Variants in SATB2 observed in about 807,000 individuals in gnomAD.
SATB2 encodes the protein DNA-binding protein SATB2.
SATB2 carries 1 observed loss-of-function variant against 73.4 expected under a neutral mutation model. That is an observed-to-expected ratio of 0.01 (90% CI 0.00 to 0.06). The LOEUF is 0.06. Ranked by LOEUF, SATB2 falls within the 10% of genes least tolerant of loss-of-function variation. SATB2 has a pLI of 1.00. For missense variants in SATB2, 459 were observed against 945.8 expected (o/e 0.49, Z 6.75); for synonymous variants, 397 against 367.0 (o/e 1.08, Z -0.93).
At chr2:199,403,746 T>C (rs1477910894) in intron 3 of SATB2, among the ~76,000 whole-genome samples, 6 of 152,204 alleles carry the variant, frequency 3.9e-5, no homozygotes, top group Non-Finnish European at 2.9e-5. Context: ...ACAGTTATAA[T>C]GTTGCCTAAA....
chr2:199,427,223 A>G (rs1451736258), intron 3 of SATB2, among the ~76,000 whole-genome samples: 1 of 152,182 alleles, frequency 6.6e-6, no homozygotes, highest in East Asian at 1.9e-4. Flanking sequence ...AATTTATAGG[A>G]CTAGGATTTT....
At chr2:199,462,537 C>G (rs1040766073), upstream of SATB2, among the ~76,000 whole-genome samples, 1 of 152,270 alleles carries the variant, frequency 6.6e-6, no homozygotes, top group South Asian at 2.1e-4. The surrounding 1 kb of genome is among the most constrained non-coding windows in gnomAD (Gnocchi z 5.9). Flanking sequence ...CTGACCGGAG[C>G]GCAGGGCGGG....
At chr2:199,367,890 A>G (rs1689335004) in intron 6 of SATB2, among the ~76,000 whole-genome samples, 1 of 152,136 alleles carries the variant, frequency 6.6e-6, no homozygotes, top group East Asian at 1.9e-4. Flanking sequence ...TATTTACTAC[A>G]CAAAGGAACT....
intron 2 of SATB2, among the ~76,000 whole-genome samples, chr2:199,440,155 C>G (rs1691773136): frequency 6.6e-6 from 1 of 152,010 alleles, no homozygotes; most frequent in African/African-American, 2.4e-5. Flanking sequence ...AAAATTGCAA[C>G]CATAAATAGA....
intron 10 of SATB2, among the ~76,000 whole-genome samples, chr2:199,283,544 A>G (rs1692595973): frequency 6.6e-6 from 1 of 151,212 alleles, no homozygotes; most frequent in Non-Finnish European, 1.5e-5. Context: ...AGCAAAGTCA[A>G]AAAGGTAAAT....
chr2:199,308,995 G>C lies in SATB2; in HGVS notation c.1543-38C>G. On this transcript the variant is annotated intron_variant, in intron 9 of 10. Transcript: ENST00000417098. The surrounding 1 kb of genome is among the most constrained non-coding windows in gnomAD (Gnocchi z 4.6). ...GAGGTCGCTTGCATTAACCTGCAGA[G>C]TGTAGAGGAGCTGAGGGGGCCTTGA... The C allele has an allele frequency of 6.4e-7, 1 of 1,556,886 alleles. No individual in the cohort carries two copies. Among genetic ancestry groups the C allele is most frequent in the Non-Finnish European group, 8.9e-7 (1 of 1,129,888 alleles).
At chr2:199,326,866 C>G (rs181486257) in intron 8 of SATB2, among the ~76,000 whole-genome samples, 7 of 152,138 alleles carry the variant, frequency 4.6e-5, no homozygotes, top group Admixed American at 4.6e-4. Context: ...ACTCATAATT[C>G]ACTAAAGACT....
Position 199,287,476 on chromosome 2 carries a change from T to C in SATB2, c.1741-14804A>G, listed in dbSNP as rs988896386. Among the ~76,000 whole-genome samples, 13 of 152,236 alleles carry C rather than the reference T, an allele frequency of 8.5e-5. No individual in the cohort carries two copies. The East Asian group carries it at 1.4e-3, about 16-fold the overall frequency. On this transcript the variant is annotated intron_variant, in intron 10 of 10. Coordinates refer to ENST00000417098, the MANE Select transcript of SATB2 (RefSeq NM_001172509.2). The stretch of plus-strand genomic sequence containing the variant: ...CACCAAAGAGTCAGAATTCAAACCA[T>C]TTCCAAATCCCTTCATAGTATTTAT...
intron 3 of SATB2, among the ~76,000 whole-genome samples, chr2:199,426,924 G>A (rs577057762): frequency 4.7e-4 from 71 of 152,096 alleles, no homozygotes; most frequent in African/African-American, 1.5e-3. Context: ...ATGGAGTGCA[G>A]TGGCACTATC....
intron 6 of SATB2, among the ~76,000 whole-genome samples, chr2:199,351,981 G>A (rs933122434): frequency 1.3e-5 from 2 of 152,184 alleles, no homozygotes; most frequent in South Asian, 2.1e-4. Flanking sequence ...AGCTATTCTC[G>A]TGCTCAGCCT....
intron 10 of SATB2, among the ~76,000 whole-genome samples, chr2:199,302,510 A>G (rs757394875): frequency 6.6e-6 from 1 of 152,128 alleles, no homozygotes; most frequent in Non-Finnish European, 1.5e-5. Flanking sequence ...ACATCTTCCC[A>G]AGTGAGGACC....
intron 7 of SATB2, among the ~76,000 whole-genome samples, chr2:199,344,695 T>A (rs1284895770): frequency 6.6e-6 from 1 of 152,168 alleles, no homozygotes; most frequent in Non-Finnish European, 1.5e-5. Context: ...CAAACCACAA[T>A]GATTGGTATC....
chr2:199,412,516 C>T (rs1489601149), intron 3 of SATB2, among the ~76,000 whole-genome samples: 1 of 152,170 alleles, frequency 6.6e-6, no homozygotes, highest in Non-Finnish European at 1.5e-5. Flanking sequence ...AAGACTAAAG[C>T]GTCTGCTTCA....
At chr2:199,348,095 T>G (rs1688707627) in intron 7 of SATB2, 1 of 152,356 alleles carries the variant, frequency 6.6e-6, no homozygotes, top group South Asian at 2.1e-4. Context: ...GTGAATTAAC[T>G]GTTTACATTT....
At chr2:199,310,121 G>A (rs775652226) in intron 9 of SATB2, among the ~76,000 whole-genome samples, 3 of 152,150 alleles carry the variant, frequency 2.0e-5, no homozygotes, top group Non-Finnish European at 2.9e-5. Flanking sequence ...TTAATAACCT[G>A]ATCATTCCAT....
chr2:199,323,273 C>A (rs571741056), intron 9 of SATB2, among the ~76,000 whole-genome samples: 8 of 152,188 alleles, frequency 5.3e-5, no homozygotes, highest in South Asian at 2.1e-4. Flanking sequence ...GCACTCCCCC[C>A]ACGTGTGTTT....
At chr2:199,451,354 T>C (rs1692117518) in intron 2 of SATB2, among the ~76,000 whole-genome samples, 1 of 151,640 alleles carries the variant, frequency 6.6e-6, no homozygotes, top group Non-Finnish European at 1.5e-5. Context: ...TAGAGAAGAG[T>C]TATTTTTCTA....
intron 10 of SATB2, among the ~76,000 whole-genome samples, chr2:199,276,759 T>C (rs79972097): frequency 0.058 from 3 of 52 alleles, no homozygotes; most frequent in Non-Finnish European, 0.091. Flanking sequence ...CCTTTTTCCC[T>C]TTTTTCAAAA....
At chr2:199,448,027 A>C (rs1003003861) in intron 2 of SATB2, among the ~76,000 whole-genome samples, 1 of 152,126 alleles carries the variant, frequency 6.6e-6, no homozygotes, top group Non-Finnish European at 1.5e-5. Flanking sequence ...AAGACAAGTC[A>C]TTTTCTTTTA....
Sources: allele counts gnomAD v4.1 joint callset (sites outside exome capture counted in the v4.1 genomes callset), GRCh38; gene constraint gnomAD v4.1.1; non-coding constraint Gnocchi (gnomAD v3.1); transcripts MANE v1.5; gene names NCBI Gene and HGNC (gene_info 2026-07-23, HGNC 2026-07-21).